Variants in CADM1 observed in about 807,000 individuals in gnomAD.
CADM1 encodes cell adhesion molecule 1.
Under a neutral mutation model 53.1 loss-of-function variants are expected in CADM1, and 15 were observed. That is an observed-to-expected ratio of 0.28 (90% confidence interval 0.19 to 0.44). The LOEUF (loss-of-function observed/expected upper bound fraction) is 0.44. Ranked by LOEUF, CADM1 falls within the 20% of genes least tolerant of loss-of-function variation. The pLI, the probability that CADM1 is intolerant of heterozygous loss-of-function variation, is 1.00. For synonymous variants in CADM1, 281 were observed against 243.0 expected (o/e 1.16, Z -1.45); for missense variants, 434 against 611.3 (o/e 0.71, Z 3.06).
rs925514211 is a variant in CADM1 at position 115,169,318 on chromosome 11, C to T, written c.*7156G>A. The T allele has an allele frequency of 8.5e-6, 2 of 235,080 alleles. No individual in the cohort carries two copies. Among genetic ancestry groups the T allele is most frequent in the South Asian group, 5.1e-5 (1 of 19,552 alleles). 14.6% of individuals were successfully genotyped at this position (235,080 alleles called of 1,614,324 possible). On this transcript the variant is annotated 3_prime_UTR_variant, in exon 12 of 12. Coordinates refer to ENST00000331581, the MANE Select transcript of CADM1 (RefSeq NM_001301043.2). ...GGCTAACGTGACTCAAGGCCCTTCT[C>T]GATGCATTGGTGTCTCTGCAAGGAA...
intron 6 of CADM1, among the ~76,000 whole-genome samples, chr11:115,215,596 A>G (rs1941147442): frequency 6.6e-6 from 1 of 152,180 alleles, no homozygotes; most frequent in Non-Finnish European, 1.5e-5. Context: ...TGCTCATCAG[A>G]GACAAGTTTG....
intron 3 of CADM1, among the ~76,000 whole-genome samples, chr11:115,231,780 A>G (rs1941823197): frequency 6.6e-6 from 1 of 152,172 alleles, no homozygotes; most frequent in African/African-American, 2.4e-5. Context: ...TGAGGTCAGG[A>G]GTTTGATATC....
At chr11:115,455,629 C>A (rs966551527) in intron 1 of CADM1, among the ~76,000 whole-genome samples, 1 of 152,158 alleles carries the variant, frequency 6.6e-6, no homozygotes, top group African/African-American at 2.4e-5. Flanking sequence ...GTAGCCAACA[C>A]TCACACCTGA....
chr11:115,295,638 C>T (rs1365252009), intron 1 of CADM1, among the ~76,000 whole-genome samples: 2 of 148,706 alleles, frequency 1.3e-5, no homozygotes, highest in Admixed American at 6.8e-5. Flanking sequence ...ACTTCTACTT[C>T]CTGCTTTCTA....
chr11:115,418,681 AAAATT>A (rs2135264550), intron 1 of CADM1, among the ~76,000 whole-genome samples: 1 of 152,304 alleles, frequency 6.6e-6, no homozygotes, highest in African/African-American at 2.4e-5. Flanking sequence ...CACTACCTGA[AAAATT>A]AAATTAAATA....
chr11:115,175,506 C>T lies in CADM1; in HGVS notation c.*968G>A. On this transcript the variant is annotated 3_prime_UTR_variant, in exon 12 of 12. Coordinates refer to ENST00000331581, the MANE Select transcript of CADM1 (RefSeq NM_001301043.2). ...ATGGAATCATTTGGAACAGAAACAACCAGAGCAGAACTGTATTTCCCCCCT... is the reference window on the plus strand; with the variant it reads ...ATGGAATCATTTGGAACAGAAACAATCAGAGCAGAACTGTATTTCCCCCCT... The T allele has an allele frequency of 1.0e-6, 1 of 985,458 alleles. No homozygotes were observed. Among genetic ancestry groups the T allele is most frequent in the Non-Finnish European group, 1.2e-6 (1 of 829,960 alleles). The allele number at this position is 985,458 out of a possible 1,614,324, so 61.0% of individuals were successfully genotyped here. A position where few individuals can be genotyped will look rare whatever the true frequency, so the allele number is the denominator to read the frequency against.
intron 1 of CADM1, among the ~76,000 whole-genome samples, chr11:115,265,584 T>C (rs913270036): frequency 2.0e-5 from 3 of 152,200 alleles, no homozygotes; most frequent in Admixed American, 1.3e-4. Flanking sequence ...AAAGTTTCCC[T>C]GTCTCCACCA....
chr11:115,446,577 G>T (rs568294479), intron 1 of CADM1, among the ~76,000 whole-genome samples: 1 of 152,174 alleles, frequency 6.6e-6, no homozygotes, highest in Non-Finnish European at 1.5e-5. Context: ...AAGTCCCAGA[G>T]AGGTTAAGTA....
chr11:115,445,889 C>A, intron 1 of CADM1: 1 of 371,270 alleles, frequency 2.7e-6, no homozygotes, highest in Non-Finnish European at 5.5e-6. Context: ...TAACAATGTA[C>A]TGCTTTAAGA....
intron 1 of CADM1, among the ~76,000 whole-genome samples, chr11:115,490,619 C>T (rs1025476578): frequency 1.3e-5 from 2 of 152,030 alleles, no homozygotes; most frequent in Non-Finnish European, 2.9e-5. Flanking sequence ...AGGCCGATCT[C>T]GAACTCCTGA....
intron 1 of CADM1, among the ~76,000 whole-genome samples, chr11:115,284,526 G>C (rs1018993132): frequency 6.8e-6 from 1 of 147,020 alleles, no homozygotes; most frequent in African/African-American, 2.6e-5. Context: ...AAAAAAAACA[G>C]AAAGGAAAAA....
chr11:115,251,909 C>T (rs1247885292), intron 1 of CADM1, among the ~76,000 whole-genome samples: 1 of 152,186 alleles, frequency 6.6e-6, no homozygotes, highest in Non-Finnish European at 1.5e-5. Context: ...TACTCTTATG[C>T]CTGCTGACTC....
chr11:115,236,036 T>C (rs891446388), intron 3 of CADM1, among the ~76,000 whole-genome samples: 7 of 152,294 alleles, frequency 4.6e-5, no homozygotes, highest in Non-Finnish European at 8.8e-5. Context: ...ATAGTAACTA[T>C]AGAATAGCAT....
chr11:115,237,070 G>A (rs1261921864), intron 3 of CADM1, among the ~76,000 whole-genome samples: 1 of 152,226 alleles, frequency 6.6e-6, no homozygotes, highest in East Asian at 1.9e-4. Flanking sequence ...GTGGATGAGT[G>A]GATAGTCAAT....
intron 1 of CADM1, among the ~76,000 whole-genome samples, chr11:115,473,825 T>C (rs1949068265): frequency 6.6e-6 from 1 of 152,018 alleles, no homozygotes; most frequent in Non-Finnish European, 1.5e-5. Flanking sequence ...CCATAAAATA[T>C]AAAATTAATA....
At chr11:115,398,692 A>C (rs571913323) in intron 1 of CADM1, among the ~76,000 whole-genome samples, 1 of 152,192 alleles carries the variant, frequency 6.6e-6, no homozygotes, top group Non-Finnish European at 1.5e-5. Flanking sequence ...CCAACCTAAT[A>C]TTCTAACATA....
At chr11:115,303,202 A>C (rs1385493675) in intron 1 of CADM1, among the ~76,000 whole-genome samples, 1 of 152,056 alleles carries the variant, frequency 6.6e-6, no homozygotes, top group African/African-American at 2.4e-5. Context: ...AACGTTCAGC[A>C]TATGAAGCTG....
At chr11:115,368,111 T>G (rs12786895) in intron 1 of CADM1, among the ~76,000 whole-genome samples, 4 of 18,376 alleles carry the variant, frequency 2.2e-4, no homozygotes, top group Non-Finnish European at 1.3e-4. Flanking sequence ...CACTAGAGTC[T>G]TTTTTTTTTT....
intron 1 of CADM1, among the ~76,000 whole-genome samples, chr11:115,267,569 A>T (rs894009001): frequency 6.6e-6 from 1 of 152,184 alleles, no homozygotes; most frequent in African/African-American, 2.4e-5. Context: ...ACACGCTGGA[A>T]ATCACACATT....
Sources: allele counts gnomAD v4.1 joint callset (sites outside exome capture counted in the v4.1 genomes callset), GRCh38; gene constraint gnomAD v4.1.1; transcripts MANE v1.5; gene names NCBI Gene and HGNC (gene_info 2026-07-23, HGNC 2026-07-21).